ZNF469: variants seen among roughly 807,000 people sequenced by gnomAD.
ZNF469 encodes the protein zinc finger protein 469.
Under a neutral mutation model 1.0 loss-of-function variants are expected in ZNF469, and 1 was observed. That is an observed-to-expected ratio of 1.00 (90% confidence interval 0.35 to 4.73). The LOEUF (loss-of-function observed/expected upper bound fraction) is 4.73, where lower values mean the gene tolerates loss of function less well. Among genes scored for constraint, ZNF469 ranks in the 30% most tolerant of loss-of-function variants. The pLI, the probability that ZNF469 is intolerant of heterozygous loss-of-function variation, is 0.16. For missense variants in ZNF469, 6,100 were observed against 5,356.3 expected, an observed-to-expected ratio of 1.14 and a Z score of -4.33; for synonymous variants, 2,703 against 2,363.4, an observed-to-expected ratio of 1.14 and a Z score of -4.17.
chr16:88,355,784 C>T, the ZNF469 span, among the ~76,000 whole-genome samples: 2 of 152,216 alleles, frequency 1.3e-5, no homozygotes, highest in East Asian at 1.9e-4. Context: ...TGAGCGGGGC[C>T]GGGGGACACT....
At chr16:88,226,801 G>A in the ZNF469 span, among the ~76,000 whole-genome samples, 5 of 144,688 alleles carry the variant, frequency 3.5e-5, no homozygotes, top group African/African-American at 5.1e-5. Flanking sequence ...TGGTTTCACC[G>A]TCTTATTTGC....
Position 88,433,717 on chromosome 16 carries a change from A to T in ZNF469, c.6247A>T (p.Thr2083Ser). The T allele has an allele frequency of 6.5e-7, 1 of 1,548,794 alleles. No individual in the cohort carries two copies. Among genetic ancestry groups the T allele is most frequent in the Non-Finnish European group, 8.7e-7 (1 of 1,146,616 alleles). The change falls in exon 3 of 3, where the codon ACT becomes TCT. Residue 2083 changes from threonine (T) to serine (S), a missense_variant. Transcript: ENST00000565624. ...CAGCCGAAGTGGATCTGAGGGCCGG[A>T]CTCCAGAGAGGGCGTCCAGCCCCGG... ...AHSRSGSEGRTPERASSPGLN... is the reference protein window; with the variant it reads ...AHSRSGSEGRSPERASSPGLN...
chr16:88,188,325 A>C, the ZNF469 span, among the ~76,000 whole-genome samples: 1 of 152,064 alleles, frequency 6.6e-6, no homozygotes. Context: ...CATCTAGCAC[A>C]TCTTGGGGGA....
chr16:88,214,208 C>A, the ZNF469 span, among the ~76,000 whole-genome samples: 1 of 152,170 alleles, frequency 6.6e-6, no homozygotes, highest in African/African-American at 2.4e-5. Flanking sequence ...TAGGATACCC[C>A]CCGAAGGATT....
chr16:88,321,605 G>A, the ZNF469 span, among the ~76,000 whole-genome samples: 3 of 150,614 alleles, frequency 2.0e-5, no homozygotes, highest in African/African-American at 4.9e-5. Flanking sequence ...CCTGATTGGT[G>A]TGGCCTCAGA....
At position 88,424,062 on chromosome 16, in the gene ZNF469, G is replaced by A. The variant is rs114688693; in HGVS notation, c.-191-745G>A. Among the ~76,000 whole-genome samples the A allele has an allele frequency of 5.9e-3, 897 of 152,358 alleles. 8 individuals carry two copies. Among genetic ancestry groups the A allele is most frequent in the African/African-American group, 0.02 (849 of 41,584 alleles). ...AAGTCAAACGCAGGTGCCCTTTGAC[G>A]CAGCTAGGCCCACAGCGTTTGGAGC... is the stretch of plus-strand genomic sequence containing the variant. On this transcript the variant is annotated intron_variant, in intron 1 of 2. Transcript: ENST00000565624. The surrounding 1 kb of genome is among the most constrained non-coding windows in gnomAD (Gnocchi z 4.3).
At chr16:88,278,323 G>A in the ZNF469 span, among the ~76,000 whole-genome samples, 1 of 18,518 alleles carries the variant, frequency 5.4e-5, no homozygotes, top group Admixed American at 8.3e-4. Flanking sequence ...ATCAGTGCAC[G>A]GTTAGTGCTG....
At position 88,434,511 on chromosome 16, in the gene ZNF469, T is replaced by G; in HGVS notation, c.7041T>G (p.Ala2347=). 1 of 1,550,262 alleles carries G rather than the reference T, an allele frequency of 6.5e-7. No homozygotes were observed. Among genetic ancestry groups the G allele is most frequent in the Non-Finnish European group, 8.7e-7 (1 of 1,146,962 alleles). The change falls in exon 3 of 3, where the codon GCT becomes GCG. Residue 2347 remains alanine (A), a synonymous_variant. Transcript: ENST00000565624. ...LGHREGQAVT[A]VPTEPPTLQG... ...ACAGGGAGGGCCAGGCTGTCACAGC[T>G]GTGCCCACTGAGCCTCCCACGCTAC...
the ZNF469 span, among the ~76,000 whole-genome samples, chr16:88,247,610 G>C: frequency 7.3e-6 from 1 of 136,306 alleles, no homozygotes; most frequent in African/African-American, 3.0e-5. Context: ...GTGAGTGAGT[G>C]AATGTTTGAT....
At chr16:88,364,429 A>G in the ZNF469 span, among the ~76,000 whole-genome samples, 1 of 123,336 alleles carries the variant, frequency 8.1e-6, no homozygotes, top group Non-Finnish European at 1.6e-5. Flanking sequence ...TTGTCTGGCT[A>G]TTATTGTTCC....
chr16:88,117,910 G>A, the ZNF469 span, among the ~76,000 whole-genome samples: 1 of 152,248 alleles, frequency 6.6e-6, no homozygotes, highest in Admixed American at 6.5e-5. Context: ...AGAGCAGGAG[G>A]AGGAGCACGA....
At chr16:88,291,792 G>A in the ZNF469 span, among the ~76,000 whole-genome samples, 13 of 152,152 alleles carry the variant, frequency 8.5e-5, no homozygotes, top group African/African-American at 2.9e-4. Context: ...TGTCCTGGGA[G>A]TGCCTTTAAG....
At chr16:88,231,838 C>T in the ZNF469 span, among the ~76,000 whole-genome samples, 1 of 152,216 alleles carries the variant, frequency 6.6e-6, no homozygotes, top group Non-Finnish European at 1.5e-5. The surrounding 1 kb of genome is among the most constrained non-coding windows in gnomAD (Gnocchi z 4.5). Flanking sequence ...CACCAGGGAA[C>T]ATATTCCCAG....
In ZNF469 at chr16:88,439,320, T is replaced by A. The variant is rs753503425; in HGVS notation, c.11850T>A (p.Asp3950Glu). 2.6e-6 allele frequency: 4 copies of A among 1,550,334 alleles called. No individual in the cohort carries two copies. The highest frequency in any genetic ancestry group is 2.6e-6 in the Non-Finnish European group (3 of 1,146,976). ...LTGFKIPLKKDASE is the reference protein window; with the variant it reads ...LTGFKIPLKKEASE Reference sequence around the variant, plus strand: ...GCTTCAAAATCCCTTTAAAGAAAGATGCTTCCGAGTAATTTCTAGGAGCAA... The same window carrying A: ...GCTTCAAAATCCCTTTAAAGAAAGAAGCTTCCGAGTAATTTCTAGGAGCAA... Residue 3950 changes from aspartate to glutamate, a missense_variant, in exon 3 of 3, where the codon GAT (aspartate) becomes GAA (glutamate). By Grantham distance (45) the Asp-to-Glu change is conservative. Coordinates refer to ENST00000565624, the MANE Select transcript of ZNF469 (RefSeq NM_001367624.2).
chr16:88,367,895 G>A, the ZNF469 span, among the ~76,000 whole-genome samples: 1 of 152,192 alleles, frequency 6.6e-6, no homozygotes, highest in Admixed American at 6.5e-5. Context: ...TGCTGAACCA[G>A]TGAACCTGGG....
chr16:88,310,941 C>T, the ZNF469 span, among the ~76,000 whole-genome samples: 1 of 152,170 alleles, frequency 6.6e-6, no homozygotes, highest in African/African-American at 2.4e-5. Context: ...CTGATGAACC[C>T]AACACTGATC....
chr16:88,319,610 C>T, the ZNF469 span, among the ~76,000 whole-genome samples: 2 of 152,176 alleles, frequency 1.3e-5, no homozygotes, highest in African/African-American at 2.4e-5. Flanking sequence ...CAGGTAGCCC[C>T]CTTGGCTCCC....
chr16:88,157,590 T>G, the ZNF469 span, among the ~76,000 whole-genome samples: 187 of 151,982 alleles, frequency 1.2e-3, no homozygotes, highest in African/African-American at 4.4e-3. Flanking sequence ...CCTGCTCTTA[T>G]CCACAGCACC....
At chr16:88,397,432 C>G (rs1216642486) in intron 1 of ZNF469, among the ~76,000 whole-genome samples, 1 of 152,170 alleles carries the variant, frequency 6.6e-6, no homozygotes, top group African/African-American at 2.4e-5. Context: ...GCTAAGAAGA[C>G]TGCTGAGGAA....
Sources: allele counts gnomAD v4.1 joint callset (sites outside exome capture counted in the v4.1 genomes callset), GRCh38; gene constraint gnomAD v4.1.1; non-coding constraint Gnocchi (gnomAD v3.1); transcripts MANE v1.5; gene names NCBI Gene and HGNC (gene_info 2026-07-23, HGNC 2026-07-21).